The following CHRNA1 variants were observed in gnomAD, a reference collection of about 807,000 sequenced individuals.
CHRNA1 encodes cholinergic receptor nicotinic alpha 1 subunit.
CHRNA1 carries 35 observed loss-of-function variants against 47.1 expected under a neutral mutation model. That is an observed-to-expected ratio of 0.74 (90% CI 0.57 to 0.99). CHRNA1 has a LOEUF of 0.99. Ranked by LOEUF, CHRNA1 falls within the 50% of genes least tolerant of loss-of-function variation. CHRNA1 has a pLI of 0.00. For missense variants in CHRNA1, 506 were observed against 591.1 expected (o/e 0.86, Z 1.49); for synonymous variants, 229 against 223.6 (o/e 1.02, Z -0.22).
chr2:174,754,249 G>A lies in CHRNA1; in HGVS notation c.510C>T (p.Thr170=). The change falls in exon 5 of 9, where the codon ACC becomes ACT. Residue 170 remains threonine, a synonymous_variant. Transcript: ENST00000348749. The part of the protein sequence containing the change: ...QNCSMKLGTW[T]YDGSVVAINP... Reference sequence around the variant, plus strand: ...TGATGGCCACGACAGAGCCGTCGTAGGTCCAGGTGCCCAGCTTCATGCTGC... The same window carrying A: ...TGATGGCCACGACAGAGCCGTCGTAAGTCCAGGTGCCCAGCTTCATGCTGC... 6.2e-7 allele frequency: 1 copy of A among 1,613,972 alleles called. No homozygotes were observed.
intron 1 of CHRNA1, among the ~76,000 whole-genome samples, chr2:174,762,322 G>A (rs1684116089): frequency 6.6e-6 from 1 of 152,166 alleles, no homozygotes; most frequent in Non-Finnish European, 1.5e-5. Flanking sequence ...GTTCTTCATG[G>A]ATTCAACGAA....
In CHRNA1 at chr2:174,764,333, C is replaced by A; in HGVS notation, c.43+19G>T. The A allele has an allele frequency of 6.2e-7, 1 of 1,612,116 alleles. No individual in the cohort carries two copies. Among genetic ancestry groups the A allele is most frequent in the Non-Finnish European group, 8.5e-7 (1 of 1,179,122 alleles). The stretch of plus-strand genomic sequence containing the variant: ...CCTCAAAGGAGAGCCCTCTCCCCAC[C>A]CCTGACCCCAGCACTTACCTGAGCA... On this transcript the variant is annotated intron_variant, in intron 1 of 8. Coordinates refer to ENST00000348749, the MANE Select transcript of CHRNA1 (RefSeq NM_000079.4).
rs560280191 is a variant in CHRNA1, at chr2:174,747,713, C to T, written c.*411G>A. The T allele has an allele frequency of 1.5e-3, 379 of 261,324 alleles. 4 individuals are homozygous for T. The highest frequency in any genetic ancestry group is 0.011 in the South Asian group (231 of 21,986). 16.2% of individuals were successfully genotyped at this position (261,324 alleles called of 1,614,324 possible). A position where few individuals can be genotyped will look rare whatever the true frequency, so the allele number is the denominator to read the frequency against. On this transcript the variant is annotated 3_prime_UTR_variant, in exon 9 of 9. Transcript: ENST00000348749. ...TTTCTTAGTAGGTACAAAACTGACT[C>T]TTAAGCAAAGAATACACTTCATTTA...
intron 1 of CHRNA1, among the ~76,000 whole-genome samples, chr2:174,759,849 G>GA (rs918969682): frequency 1.3e-5 from 2 of 151,868 alleles, no homozygotes; most frequent in African/African-American, 4.8e-5. Context: ...TGACAGTGGG[G>GA]TGTGCCAGGT....
At chr2:174,753,930 C>T (rs563944283) in intron 5 of CHRNA1, among the ~76,000 whole-genome samples, 190 bp from the exon 6 acceptor site, 1 of 152,296 alleles carries the variant, frequency 6.6e-6, no homozygotes, top group Admixed American at 6.5e-5. Context: ...GGACTAGTAG[C>T]ATTCTCCATT....
Position 174,747,825 on chromosome 2 carries a change from C to T in CHRNA1, c.*299G>A. The T allele has an allele frequency of 5.5e-6, 2 of 365,180 alleles. No homozygotes were observed. Among genetic ancestry groups the T allele is most frequent in the Non-Finnish European group, 1.0e-5 (2 of 191,252 alleles). 22.6% of individuals were successfully genotyped at this position (365,180 alleles called of 1,614,324 possible). On this transcript the variant is annotated 3_prime_UTR_variant, in exon 9 of 9. Coordinates refer to ENST00000348749, the MANE Select transcript of CHRNA1 (RefSeq NM_000079.4). ...ACAGCAATGACAATGCAACAGAAAA[C>T]CTCGGTTATCCTGGCAAAAACTCTT...
rs375645058 is a variant in CHRNA1 at position 174,754,271 on chromosome 2, C to G, written c.488G>C (p.Ser163Thr). 14 of 1,614,016 alleles carry G rather than the reference C, an allele frequency of 8.7e-6. No homozygotes were observed. In the Middle Eastern group the frequency reaches 5.0e-4, roughly 57 times the overall value. Reference sequence around the variant, plus strand: ...GTAGGTCCAGGTGCCCAGCTTCATGCTGCAGTTCTGTTCATCAAAGGGAAA... The same window carrying G: ...GTAGGTCCAGGTGCCCAGCTTCATGGTGCAGTTCTGTTCATCAAAGGGAAA... ...THFPFDEQNC[S>T]MKLGTWTYDG... The change falls in exon 5 of 9, where the codon AGC (serine) becomes ACC (threonine). Residue 163 changes from serine (S) to threonine (T), a missense_variant. Transcript: ENST00000348749.
intron 6 of CHRNA1, among the ~76,000 whole-genome samples, chr2:174,752,080 A>C (rs1683865799): frequency 6.6e-6 from 1 of 151,798 alleles, no homozygotes; most frequent in South Asian, 2.1e-4. Context: ...GTTTCATTTG[A>C]GGGCCTGGTG....
chr2:174,749,948 T>G lies in CHRNA1; in HGVS notation c.1000A>C (p.Lys334Gln). 6.2e-7 allele frequency: 1 copy of G among 1,613,820 alleles called. No individual in the cohort carries two copies. Among genetic ancestry groups the G allele is most frequent in the Non-Finnish European group, 8.5e-7 (1 of 1,179,826 alleles). The change falls in exon 7 of 9, where the codon AAG becomes CAG. Residue 334 changes from lysine to glutamine, a missense_variant and splice_region_variant. Transcript: ENST00000348749. ...STHVMPNWVR[K>Q]VFIDTIPNIM... ...TCTGCAGGGGCCTCCCCACTCACCT[T>G]CCGCACCCAGTTGGGCATGACATGG...
At chr2:174,759,250 C>T (rs1684043937) in intron 3 of CHRNA1, 81 bp downstream of exon 3, 1 of 1,350,760 alleles carries the variant, frequency 7.4e-7, no homozygotes, top group Non-Finnish European at 1.1e-6. Context: ...ATCCCTGTTA[C>T]CCATATTGAT....
Position 174,750,177 on chromosome 2 carries a change from GACC to G in CHRNA1, c.779-11_779-9del. 1 of 1,296,544 alleles carries G rather than the reference GACC, an allele frequency of 7.7e-7. No individual in the cohort carries two copies. The highest frequency in any genetic ancestry group is 1.0e-6 in the Non-Finnish European group (1 of 1,001,028). 80.3% of individuals were successfully genotyped at this position (1,296,544 alleles called of 1,614,324 possible). A position where few individuals can be genotyped will look rare whatever the true frequency, so the allele number is the denominator to read the frequency against. On this transcript the variant is annotated splice_polypyrimidine_tract_variant and intron_variant, in intron 6 of 8. Transcript: ENST00000348749. ...TCAGAGTCATCTTCTCCCCTGAAAA[GACC>G]AAAAAAAAAAAAAAAAATCCCACAA...
At position 174,759,520 on chromosome 2, in the gene CHRNA1, C is replaced by T. The variant is rs779877755; in HGVS notation, c.157G>A (p.Val53Met). 1.7e-5 allele frequency: 27 copies of T among 1,614,022 alleles called. No individual in the cohort carries two copies. Among genetic ancestry groups the T allele is most frequent in the Non-Finnish European group, 2.2e-5 (26 of 1,180,022 alleles). ...EDHRQVVEVT[V>M]GLQLIQLINV... ...ATGAGCTGTATCAGCTGCAGGCCCA[C>T]GGTGACCTCCACGACCTGGCGGTGG... Residue 53 changes from valine (V) to methionine (M), a missense_variant, in exon 2 of 9, where the codon GTG becomes ATG. Transcript: ENST00000348749.
At chr2:174,754,146 G>A (rs1683920189) in intron 5 of CHRNA1, 73 bp downstream of exon 5, 1 of 1,393,290 alleles carries the variant, frequency 7.2e-7, no homozygotes, top group Non-Finnish European at 1.0e-6. Flanking sequence ...GCCTATGATT[G>A]TCCAAGGAAA....
rs1683899148 is a variant in CHRNA1 at position 174,753,490 on chromosome 2, C to G, written c.778+13G>C. ...TCAGCGTCAGCAGCAGCAGTCATGG[C>G]AACCACACCCACCTGAGTCTGTGGG... On this transcript the variant is annotated intron_variant, in intron 6 of 8. Coordinates refer to ENST00000348749, the MANE Select transcript of CHRNA1 (RefSeq NM_000079.4). The G allele has an allele frequency of 1.2e-6, 2 of 1,611,048 alleles. No individual in the cohort carries two copies. Among genetic ancestry groups the G allele is most frequent in the South Asian group, 2.2e-5 (2 of 91,012 alleles).
chr2:174,757,967 C>T, intron 3 of CHRNA1: 1 of 1,595,388 alleles, frequency 6.3e-7, no homozygotes, highest in Non-Finnish European at 8.6e-7. Flanking sequence ...GATGAGAAAA[C>T]AAAGGAACTC....
chr2:174,752,470 TG>T (rs1683874158), intron 6 of CHRNA1, among the ~76,000 whole-genome samples: 1 of 152,096 alleles, frequency 6.6e-6, no homozygotes, highest in African/African-American at 2.4e-5. Flanking sequence ...CTCAGGAGGC[TG>T]AGGTGAAAGG....
chr2:174,755,747 C>G (rs1253171250), intron 4 of CHRNA1, among the ~76,000 whole-genome samples: 1 of 152,030 alleles, frequency 6.6e-6, no homozygotes, highest in Non-Finnish European at 1.5e-5. Context: ...CAAAAATTGC[C>G]AGACTTTGCC....
intron 6 of CHRNA1, 73 bp from the exon 7 acceptor site, chr2:174,750,242 C>A: frequency 1.7e-6 from 2 of 1,154,520 alleles, no homozygotes; most frequent in Non-Finnish European, 2.5e-6. Flanking sequence ...TTCCTCCCAC[C>A]CCACCATTTA....
At chr2:174,762,227 T>C (rs1197462572) in intron 1 of CHRNA1, among the ~76,000 whole-genome samples, 1 of 152,134 alleles carries the variant, frequency 6.6e-6, no homozygotes, top group Non-Finnish European at 1.5e-5. Flanking sequence ...CAGCACAGGG[T>C]AGAGTGATAG....
Sources: allele counts gnomAD v4.1 joint callset (sites outside exome capture counted in the v4.1 genomes callset), GRCh38; gene constraint gnomAD v4.1.1; transcripts MANE v1.5; gene names NCBI Gene and HGNC (gene_info 2026-07-23, HGNC 2026-07-21).